WWTR1: variants seen among roughly 807,000 people sequenced by gnomAD.
The protein encoded by WWTR1 is WW domain containing transcription regulator 1, also known as WW domain-containing transcription regulator protein 1.
Under a neutral mutation model 40.1 loss-of-function variants are expected in WWTR1, and 13 were observed. That is an observed-to-expected ratio of 0.32 (90% CI 0.21 to 0.52). WWTR1 has a LOEUF of 0.52. WWTR1 is among the 20% of genes least tolerant of loss of function. The probability of loss-of-function intolerance (pLI) is 0.97; values close to 1 mark genes in which losing one functional copy is unlikely to be tolerated. For missense variants in WWTR1, 436 were observed against 523.1 expected, an observed-to-expected ratio of 0.83 and a Z score of 1.63; for synonymous variants, 230 against 210.1, an observed-to-expected ratio of 1.09 and a Z score of -0.82.
chr3:149,656,785 T>TCACACA lies in WWTR1; in HGVS notation c.431+90_431+91insTGTGTG, dbSNP rs1373516706. 2.4e-3 allele frequency: 2,141 copies of TCACACA among 874,870 alleles called. 5 individuals are homozygous for TCACACA. Among genetic ancestry groups the TCACACA allele is most frequent in the South Asian group, 6.5e-3 (272 of 42,074 alleles). The allele number at this position is 874,870 out of a possible 1,614,324, so 54.2% of individuals were successfully genotyped here. A position where few individuals can be genotyped will look rare whatever the true frequency, so the allele number is the denominator to read the frequency against. On this transcript the variant is annotated intron_variant, in intron 2 of 6. Coordinates refer to ENST00000360632, the MANE Select transcript of WWTR1 (RefSeq NM_015472.6). ...CTCTTTCTCTCTCTCTCTCTCTCTCTCTCTCTCACACACACACACACACAC... is the reference window on the plus strand; with the variant it reads ...CTCTTTCTCTCTCTCTCTCTCTCTCTCACACACTCTCTCACACACACACACACACAC...
intron 4 of WWTR1, among the ~76,000 whole-genome samples, chr3:149,532,135 T>G (rs1735609315): frequency 6.6e-6 from 1 of 152,152 alleles, no homozygotes; most frequent in Non-Finnish European, 1.5e-5. Context: ...GTGGGGATAA[T>G]AAGAGCACCC....
chr3:149,593,600 C>T (rs886376628), intron 2 of WWTR1, among the ~76,000 whole-genome samples: 1 of 152,226 alleles, frequency 6.6e-6, no homozygotes, highest in African/African-American at 2.4e-5. Flanking sequence ...CTGTAATTGA[C>T]TGCCTCCTTT....
intron 1 of WWTR1, among the ~76,000 whole-genome samples, chr3:149,692,910 C>T (rs1367669115): frequency 6.6e-6 from 1 of 152,118 alleles, no homozygotes; most frequent in East Asian, 1.9e-4. Context: ...GCTGGGATTA[C>T]AGGTGTAAGC....
At chr3:149,590,390 C>G (rs1469013808) in intron 2 of WWTR1, among the ~76,000 whole-genome samples, 1 of 152,120 alleles carries the variant, frequency 6.6e-6, no homozygotes, top group Non-Finnish European at 1.5e-5. Context: ...TGGCTTACAC[C>G]TGTAATCCCA....
intron 3 of WWTR1, among the ~76,000 whole-genome samples, chr3:149,565,773 T>C (rs1737290843): frequency 6.6e-6 from 1 of 151,514 alleles, no homozygotes; most frequent in Non-Finnish European, 1.5e-5. Context: ...TAGCCAGGCA[T>C]GGTGGCACAT....
chr3:149,540,218 T>C (rs1736031117), intron 4 of WWTR1: 1 of 456,542 alleles, frequency 2.2e-6, no homozygotes, highest in Non-Finnish European at 4.4e-6. Flanking sequence ...TTGCTCACTA[T>C]GATGCAGCAC....
intron 2 of WWTR1, among the ~76,000 whole-genome samples, chr3:149,651,446 A>G (rs1292186331): frequency 6.6e-6 from 1 of 152,236 alleles, no homozygotes; most frequent in Non-Finnish European, 1.5e-5. Flanking sequence ...GCACAGAACG[A>G]GAAAGGAATC....
chr3:149,610,542 T>C (rs1471854942), intron 2 of WWTR1, among the ~76,000 whole-genome samples: 1 of 152,188 alleles, frequency 6.6e-6, no homozygotes, highest in African/African-American at 2.4e-5. Flanking sequence ...TCACACAGTA[T>C]AAATAAAGAA....
intron 1 of WWTR1, among the ~76,000 whole-genome samples, chr3:149,673,085 G>T (rs1055230224): frequency 6.6e-6 from 1 of 152,160 alleles, no homozygotes; most frequent in African/African-American, 2.4e-5. Flanking sequence ...TGTTTTAAAA[G>T]AAGAAATAGG....
intron 5 of WWTR1, among the ~76,000 whole-genome samples, chr3:149,717,259 C>T (rs1413827414): frequency 6.6e-6 from 1 of 152,106 alleles, no homozygotes. Context: ...TTATAAGCTT[C>T]GAAGGCTAAA....
intron 3 of WWTR1, among the ~76,000 whole-genome samples, chr3:149,565,100 T>C (rs1337728697): frequency 6.6e-6 from 1 of 152,012 alleles, no homozygotes; most frequent in African/African-American, 2.4e-5. Flanking sequence ...GCTGGGAGGA[T>C]GGCTTGAACC....
At chr3:149,707,606 C>G (rs892209556), upstream of WWTR1, among the ~76,000 whole-genome samples, 1 of 152,082 alleles carries the variant, frequency 6.6e-6, no homozygotes, top group Admixed American at 6.5e-5. Context: ...TTTCCCAGAA[C>G]ACTCTGAGGG....
chr3:149,622,360 T>C (rs1016417361), intron 2 of WWTR1, among the ~76,000 whole-genome samples: 1 of 151,790 alleles, frequency 6.6e-6, no homozygotes, highest in African/African-American at 2.4e-5. Flanking sequence ...AGACATTAAA[T>C]TTATACCAAT....
chr3:149,668,024 G>A (rs73000015), intron 2 of WWTR1, among the ~76,000 whole-genome samples: 3,220 of 152,200 alleles, frequency 0.021, 121 homozygotes, highest in African/African-American at 0.074. Context: ...CTTATCCCTC[G>A]TATAGATTGT....
At chr3:149,645,720 AG>A (rs1712479121) in intron 2 of WWTR1, among the ~76,000 whole-genome samples, 1 of 152,244 alleles carries the variant, frequency 6.6e-6, no homozygotes, top group Admixed American at 6.5e-5. Context: ...TAGGCTAAGA[AG>A]TGCTTTGCAA....
At chr3:149,672,312 A>C (rs1370109322) in intron 1 of WWTR1, among the ~76,000 whole-genome samples, 1 of 152,224 alleles carries the variant, frequency 6.6e-6, no homozygotes, top group Non-Finnish European at 1.5e-5. Flanking sequence ...AAAGAAAAGC[A>C]CAGAAGATAT....
intron 1 of WWTR1, among the ~76,000 whole-genome samples, chr3:149,686,093 AAAC>A (rs1282259450): frequency 6.6e-6 from 1 of 152,192 alleles, no homozygotes; most frequent in Non-Finnish European, 1.5e-5. Flanking sequence ...AGATTGGCTT[AAAC>A]AATAGGAAAC....
intron 1 of WWTR1, chr3:149,701,774 G>C (rs1715187344): frequency 5.8e-6 from 1 of 173,670 alleles, no homozygotes; most frequent in Non-Finnish European, 1.2e-5. Flanking sequence ...CAGATGTTTG[G>C]GGGGAAACAT....
At chr3:149,702,521 T>C (rs1362268829) in intron 1 of WWTR1, 1 of 150,334 alleles carries the variant, frequency 6.7e-6, no homozygotes, top group African/African-American at 2.4e-5. Flanking sequence ...TGTAATAATA[T>C]TATGGCAAAA....
Sources: gnomAD v4.1 joint callset for allele counts (sites outside exome capture counted in the v4.1 genomes callset) on GRCh38, gnomAD v4.1.1 for gene constraint, MANE v1.5 for transcripts, NCBI Gene and HGNC (gene_info 2026-07-23, HGNC 2026-07-21) for gene names.